VSIG10: variants seen among roughly 807,000 people sequenced by gnomAD.
VSIG10 encodes V-set and immunoglobulin domain-containing protein 10.
A neutral mutation model predicts 58.7 loss-of-function variants in VSIG10; 48 were observed. The observed-to-expected ratio is 0.82, with a 90% confidence interval of 0.65 to 1.04. The LOEUF is 1.04. Among genes scored for constraint, VSIG10 ranks in the 50% least tolerant of loss-of-function variants. The pLI is 0.00. For missense variants in VSIG10, 628 were observed against 670.0 expected (o/e 0.94, Z 0.69); for synonymous variants, 260 against 267.1 (o/e 0.97, Z 0.26).
At chr12:118,081,232 C>A (rs145569883) in intron 3 of VSIG10, among the ~76,000 whole-genome samples, 3 of 152,068 alleles carry the variant, frequency 2.0e-5, no homozygotes, top group Admixed American at 1.3e-4. Context: ...GGTGACAGAG[C>A]GAGACTCGGT....
chr12:118,103,566 T>A (rs920506116), intron 1 of VSIG10, 27 bp downstream of exon 1: 8 of 1,506,032 alleles, frequency 5.3e-6, no homozygotes, highest in Non-Finnish European at 6.2e-6. Flanking sequence ...AAAACTCAAC[T>A]TTTCCCTCCA....
rs1461726752 is a variant in VSIG10, at chr12:118,065,032, TTA to T, written c.*1605_*1606del. 4 of 152,200 alleles carry T rather than the reference TTA, an allele frequency of 2.6e-5. No individual in the cohort carries two copies. Among genetic ancestry groups the T allele is most frequent in the Admixed American group, 2.6e-4 (4 of 15,292 alleles). 9.4% of individuals were successfully genotyped at this position (152,200 alleles called of 1,614,324 possible). On this transcript the variant is annotated 3_prime_UTR_variant, in exon 9 of 9. Coordinates refer to ENST00000359236, the MANE Select transcript of VSIG10 (RefSeq NM_019086.6). ...TATAAGGTCCTCGACTTTAAGAAAT[TTA>T]TATGAAATCGGAAAACTTAAATCTT...
intron 1 of VSIG10, among the ~76,000 whole-genome samples, chr12:118,103,358 G>C (rs966205204): frequency 9.2e-5 from 14 of 151,776 alleles, no homozygotes; most frequent in African/African-American, 2.2e-4. Flanking sequence ...CAGCCTCACC[G>C]GCTGCCCACC....
chr12:118,081,510 A>C (rs2032946621), intron 3 of VSIG10, among the ~76,000 whole-genome samples: 1 of 151,796 alleles, frequency 6.6e-6, no homozygotes, highest in African/African-American at 2.4e-5. Flanking sequence ...TAAATGGTTA[A>C]TCCTACGTAC....
At chr12:118,098,862 TTTTA>T (rs529050054) in intron 1 of VSIG10, among the ~76,000 whole-genome samples, 1,706 of 151,836 alleles carry the variant, frequency 0.011, 12 homozygotes, top group Non-Finnish European at 0.014. Flanking sequence ...GCCCTTTGTG[TTTTA>T]TTTATTTATT....
chr12:118,083,594 A>G (rs2033033514), intron 2 of VSIG10, among the ~76,000 whole-genome samples: 1 of 151,940 alleles, frequency 6.6e-6, no homozygotes, highest in Admixed American at 6.6e-5. Flanking sequence ...AAATAAATAA[A>G]TAAATAGCCA....
chr12:118,103,541 C>T, intron 1 of VSIG10, 52 bp downstream of exon 1: 1 of 1,480,732 alleles, frequency 6.8e-7, no homozygotes, highest in African/African-American at 1.5e-5. Flanking sequence ...TGTCCCCTCC[C>T]CACCGCTGAC....
rs548600663 is a variant in VSIG10, at chr12:118,095,690, C to G, written c.204G>C (p.Ser68=). The part of the protein sequence containing the change: ...RNNSEPVFLL[S]SNSSLRPAEP... ...CAGCTGGCCGGAGGCTAGAGTTGGA[C>G]GAGAGAAGGAAGACAGGCTCCGAGT... The change falls in exon 2 of 9, where the codon TCG becomes TCC. Residue 68 remains serine, a synonymous_variant. Coordinates refer to ENST00000359236, the MANE Select transcript of VSIG10 (RefSeq NM_019086.6). 3 of 1,613,774 alleles carry G rather than the reference C, an allele frequency of 1.9e-6. No individual in the cohort carries two copies. Among genetic ancestry groups the G allele is most frequent in the African/African-American group, 2.7e-5 (2 of 74,888 alleles).
At chr12:118,072,760 T>C (rs957511973) in intron 5 of VSIG10, among the ~76,000 whole-genome samples, 2 of 151,888 alleles carry the variant, frequency 1.3e-5, no homozygotes, top group African/African-American at 4.8e-5. Flanking sequence ...AGGACCATGG[T>C]TACCTTTCGA....
intron 2 of VSIG10, among the ~76,000 whole-genome samples, chr12:118,083,656 C>T (rs915046677): frequency 6.6e-6 from 1 of 152,078 alleles, no homozygotes; most frequent in Non-Finnish European, 1.5e-5. Context: ...GCTGGGACTA[C>T]AAGCGTATTC....
chr12:118,090,067 A>T (rs577356159), intron 2 of VSIG10, among the ~76,000 whole-genome samples: 9 of 152,262 alleles, frequency 5.9e-5, no homozygotes, highest in African/African-American at 2.2e-4. Context: ...GTAATCCCAC[A>T]CTTTGGGAGG....
chr12:118,096,904 T>C (rs576438891), intron 1 of VSIG10, among the ~76,000 whole-genome samples: 1 of 152,008 alleles, frequency 6.6e-6, no homozygotes, highest in Admixed American at 6.6e-5. Flanking sequence ...CCGGGCGTGG[T>C]GGCACACGCC....
chr12:118,083,166 G>A (rs893594254), intron 2 of VSIG10, among the ~76,000 whole-genome samples: 1 of 147,152 alleles, frequency 6.8e-6, no homozygotes, highest in African/African-American at 2.5e-5. Flanking sequence ...CAAGGGCTAG[G>A]CACAGTAGCT....
intron 2 of VSIG10, among the ~76,000 whole-genome samples, chr12:118,082,896 T>G (rs982630103): frequency 1.3e-5 from 2 of 151,150 alleles, no homozygotes; most frequent in Non-Finnish European, 2.9e-5. Context: ...GTGGACCACT[T>G]GAGGTCAGAA....
intron 2 of VSIG10, among the ~76,000 whole-genome samples, chr12:118,087,412 C>T (rs1328813678): frequency 2.0e-5 from 3 of 152,150 alleles, no homozygotes; most frequent in African/African-American, 7.2e-5. Flanking sequence ...ACTTCCATTT[C>T]CATGTTTCTA....
rs763253275 is a variant in VSIG10 at position 118,068,518 on chromosome 12, C to G, written c.1426G>C (p.Ala476Pro). 1.2e-6 allele frequency: 2 copies of G among 1,601,932 alleles called. No individual in the cohort carries two copies. Among genetic ancestry groups the G allele is most frequent in the African/African-American group, 2.9e-5 (2 of 69,820 alleles). Residue 476 changes from alanine (A) to proline (P), a missense_variant, in exon 8 of 9, where the codon GCT becomes CCT. By Grantham distance (27) the Ala-to-Pro change is conservative. Transcript: ENST00000359236. Reference protein sequence around the residue: ...EEEEEEEEEDAAVGEQEGARE... With the variant: ...EEEEEEEEEDPAVGEQEGARE... ...GCTCCCTCCTGTTCCCCTACTGCAG[C>G]ATCTTCCTCCTCCTCCTCCTCCTCC...
intron 2 of VSIG10, among the ~76,000 whole-genome samples, chr12:118,094,089 C>T (rs1469845951): frequency 6.6e-6 from 1 of 152,086 alleles, no homozygotes; most frequent in Non-Finnish European, 1.5e-5. Flanking sequence ...TTCAGGCAGT[C>T]TGACTTGACT....
chr12:118,083,303 C>G (rs1170085610), intron 2 of VSIG10, among the ~76,000 whole-genome samples: 2 of 151,668 alleles, frequency 1.3e-5, no homozygotes, highest in South Asian at 2.1e-4. Context: ...TTAGGGCCAG[C>G]ACGGTGGCTC....
At chr12:118,089,907 G>A (rs2137926902) in intron 2 of VSIG10, among the ~76,000 whole-genome samples, 1 of 152,202 alleles carries the variant, frequency 6.6e-6, no homozygotes, top group African/African-American at 2.4e-5. Context: ...TCCCTTCCCT[G>A]TTTTATTTCA....
Sources: allele counts gnomAD v4.1 joint callset (sites outside exome capture counted in the v4.1 genomes callset), GRCh38; gene constraint gnomAD v4.1.1; transcripts MANE v1.5; gene names NCBI Gene and HGNC (gene_info 2026-07-23, HGNC 2026-07-21).